Variants in CFHR5 observed in about 807,000 individuals in gnomAD.
CFHR5 encodes complement factor H related 5.
Under a neutral mutation model 62.9 loss-of-function variants are expected in CFHR5, and 73 were observed. The observed-to-expected ratio is 1.16, with a 90% CI of 0.96 to 1.41. The LOEUF (loss-of-function observed/expected upper bound fraction) is 1.41. Ranked by LOEUF, CFHR5 falls within the 40% of genes most tolerant of loss-of-function variation. CFHR5 has a pLI of 0.00. For missense variants in CFHR5, 779 were observed against 679.9 expected (o/e 1.15, Z -1.62); for synonymous variants, 249 against 227.2 (o/e 1.10, Z -0.86).
chr1:196,994,232 T>C lies in CFHR5; in HGVS notation c.583T>C (p.Ser195Pro). 1 of 1,613,542 alleles carries C rather than the reference T, an allele frequency of 6.2e-7. No homozygotes were observed. The highest frequency in any genetic ancestry group is 1.1e-5 in the South Asian group (1 of 91,048). Residue 195 changes from serine to proline, a missense_variant, in exon 4 of 10, where the codon TCA becomes CCA. Coordinates refer to ENST00000256785, the MANE Select transcript of CFHR5 (RefSeq NM_030787.4). ...AGTTCAATGTTACCAATTTGGGTGG[T>C]CACCTAACTTTCCAACATGCAAAGG... is the stretch of plus-strand genomic sequence containing the variant. ...DSVQCYQFGW[S>P]PNFPTCKGQV... is the part of the protein sequence containing the mutation.
intron 3 of CFHR5, among the ~76,000 whole-genome samples, chr1:196,984,988 T>A (rs886395957): frequency 6.6e-6 from 1 of 152,144 alleles, no homozygotes; most frequent in Non-Finnish European, 1.5e-5. Context: ...TTTTGAAGTA[T>A]TGAGGGTTTT....
intron 1 of CFHR5, among the ~76,000 whole-genome samples, chr1:196,979,530 T>C (rs186303776): frequency 2.6e-5 from 4 of 152,152 alleles, no homozygotes; most frequent in South Asian, 2.1e-4. Context: ...ATATAAAAGG[T>C]ACAATAAAAA....
chr1:196,984,096 T>C lies in CFHR5; in HGVS notation c.389T>C (p.Val130Ala), dbSNP rs966940369. The change falls in exon 3 of 10, where the codon GTA becomes GCA. Residue 130 changes from valine to alanine, a missense_variant. Transcript: ENST00000256785. ...LQNNEKNISC[V>A]ERGWSTPPIC... ...AACAATGAGAAAAACATTTCGTGTG[T>C]AGAACGGGGCTGGTCCACTCCTCCC... 3 of 1,613,804 alleles carry C rather than the reference T, an allele frequency of 1.9e-6. No individual in the cohort carries two copies. The highest frequency in any genetic ancestry group is 2.5e-6 in the Non-Finnish European group (3 of 1,179,840).
chr1:196,994,026 T>C, intron 3 of CFHR5, 54 bp from the exon 4 acceptor site: 1 of 1,387,502 alleles, frequency 7.2e-7, no homozygotes, highest in South Asian at 1.2e-5. Context: ...TAGCACACAT[T>C]AAATTTGTTT....
intron 1 of CFHR5, among the ~76,000 whole-genome samples, chr1:196,980,590 ACG>A (rs1491267920): frequency 2.5e-5 from 3 of 120,134 alleles, no homozygotes; most frequent in East Asian, 2.7e-4. Context: ...CTGTATATAT[ACG>A]TGTGTGTGTG....
chr1:197,002,741 A>C (rs1431252386), intron 8 of CFHR5, 77 bp downstream of exon 8: 11 of 1,217,104 alleles, frequency 9.0e-6, no homozygotes, highest in Non-Finnish European at 1.3e-5. Context: ...AGAAAGAAAC[A>C]AGAACTTATG....
At chr1:196,981,619 C>T (rs1472885864) in intron 1 of CFHR5, among the ~76,000 whole-genome samples, 1 of 151,898 alleles carries the variant, frequency 6.6e-6, no homozygotes, top group African/African-American at 2.4e-5. Flanking sequence ...GTGTGAGTGT[C>T]TATATAAATA....
chr1:197,008,519 A>G lies in CFHR5; in HGVS notation c.1546A>G (p.Lys516Glu), dbSNP rs1198385422. The G allele has an allele frequency of 6.2e-7, 1 of 1,610,818 alleles. No individual in the cohort carries two copies. The highest frequency in any genetic ancestry group is 8.5e-7 in the Non-Finnish European group (1 of 1,178,178). ...TGTGGTATCTGAAGAAAACATGAAC[A>G]AAAATAACATACAGTTAAAATGGAG... ...PCVVSEENMNKNNIQLKWRND... is the reference protein window; with the variant it reads ...PCVVSEENMNENNIQLKWRND... The change falls in exon 10 of 10, where the codon AAA (lysine) becomes GAA (glutamate). Residue 516 changes from lysine (K) to glutamate (E), a missense_variant. Lys to Glu is a moderately conservative substitution (Grantham distance 56, BLOSUM62 1). Transcript: ENST00000256785.
rs1654044559 is a variant in CFHR5 at position 196,998,216 on chromosome 1, T to C, written c.1059T>C (p.Ser353=). The C allele has an allele frequency of 2.5e-6, 4 of 1,608,898 alleles. No individual in the cohort carries two copies. Among genetic ancestry groups the C allele is most frequent in the African/African-American group, 1.3e-5 (1 of 74,874 alleles). Residue 353 remains serine (S), a synonymous_variant, in exon 7 of 10, where the codon TCT becomes TCC. Coordinates refer to ENST00000256785, the MANE Select transcript of CFHR5 (RefSeq NM_030787.4). The part of the protein sequence containing the change: ...KLSGKEFNHN[S]RIRYRCSDIF... Reference sequence around the variant, plus strand: ...CTGGGAAAGAATTTAATCATAATTCTAGAATACGTTACAGATGTTCAGACA... The same window carrying C: ...CTGGGAAAGAATTTAATCATAATTCCAGAATACGTTACAGATGTTCAGACA...
chr1:197,004,342 A>T (rs539324107), intron 8 of CFHR5, among the ~76,000 whole-genome samples: 2 of 152,314 alleles, frequency 1.3e-5, no homozygotes, highest in East Asian at 1.9e-4. Flanking sequence ...GACTAGAAAC[A>T]GTAAGAAAGT....
chr1:196,993,980 C>G, intron 3 of CFHR5, 100 bp from the exon 4 acceptor site: 1 of 864,764 alleles, frequency 1.2e-6, no homozygotes, highest in Non-Finnish European at 1.9e-6. Context: ...ATATTTTATA[C>G]TCTGTATATG....
chr1:196,992,924 T>C (rs1229957754), intron 3 of CFHR5, among the ~76,000 whole-genome samples: 1 of 152,168 alleles, frequency 6.6e-6, no homozygotes, highest in Non-Finnish European at 1.5e-5. Flanking sequence ...TTAGAACATA[T>C]TTCAATTTTA....
At chr1:196,987,910 T>C (rs1653738599) in intron 3 of CFHR5, among the ~76,000 whole-genome samples, 1 of 152,214 alleles carries the variant, frequency 6.6e-6, no homozygotes, top group African/African-American at 2.4e-5. Flanking sequence ...GTGAAGAAAG[T>C]TAGTGGTAAC....
intron 1 of CFHR5, among the ~76,000 whole-genome samples, chr1:196,981,689 C>T (rs910740957): frequency 5.9e-5 from 9 of 151,986 alleles, no homozygotes; most frequent in African/African-American, 2.2e-4. Context: ...GGACTCTTTT[C>T]ACCCCCAGCA....
chr1:196,996,334 T>C, intron 6 of CFHR5, 133 bp downstream of exon 6: 1 of 737,398 alleles, frequency 1.4e-6, no homozygotes. Context: ...AATATGTCAA[T>C]CCATTTATTC....
Position 197,002,490 on chromosome 1 carries a change from G to C in CFHR5, c.1156G>C (p.Glu386Gln). The C allele has an allele frequency of 1.2e-6, 2 of 1,612,174 alleles. No individual in the cohort carries two copies. The highest frequency in any genetic ancestry group is 1.7e-6 in the Non-Finnish European group (2 of 1,178,844). The change falls in exon 8 of 10, where the codon GAA (glutamate) becomes CAA (glutamine). Residue 386 changes from glutamate (E) to glutamine (Q), a missense_variant. By Grantham distance (29) the Glu-to-Gln change is conservative. Transcript: ENST00000256785. The part of the protein sequence containing the change: ...NPEVDCTEKR[E>Q]QFCPPPPQIP... Reference sequence around the variant, plus strand: ...ATTCCAATATTTTGTAGAAAAAAGGGAACAATTCTGCCCACCGCCACCTCA... The same window carrying C: ...ATTCCAATATTTTGTAGAAAAAAGGCAACAATTCTGCCCACCGCCACCTCA...
intron 8 of CFHR5, among the ~76,000 whole-genome samples, chr1:197,004,158 C>A (rs935521237): frequency 6.6e-6 from 1 of 152,020 alleles, no homozygotes; most frequent in African/African-American, 2.4e-5. Context: ...AAAATCTCTT[C>A]ATTAGCATGA....
Position 196,996,048 on chromosome 1 carries a change from C to A in CFHR5, c.817C>A (p.Pro273Thr), listed in dbSNP as rs777208363. 1 of 1,613,784 alleles carries A rather than the reference C, an allele frequency of 6.2e-7. No homozygotes were observed. The highest frequency in any genetic ancestry group is 1.1e-5 in the South Asian group (1 of 91,072). ...VEQVKTCGYI[P>T]ELEYGYVQPS... Reference sequence around the variant, plus strand: ...ACAAGTGAAAACATGTGGATACATACCTGAACTCGAGTACGGTTATGTTCA... The same window carrying A: ...ACAAGTGAAAACATGTGGATACATAACTGAACTCGAGTACGGTTATGTTCA... The change falls in exon 6 of 10, where the codon CCT (proline) becomes ACT (threonine). Residue 273 changes from proline to threonine, a missense_variant. Physicochemically the swap from Pro to Thr is conservative, Grantham distance 38 (BLOSUM62 -1). Coordinates refer to ENST00000256785, the MANE Select transcript of CFHR5 (RefSeq NM_030787.4).
Position 196,977,712 on chromosome 1 carries a change from T to TG in CFHR5, c.53dup (p.Glu19ArgfsTer6), listed in dbSNP as rs771671663. 2.5e-6 allele frequency: 4 copies of TG among 1,612,324 alleles called. No individual in the cohort carries two copies. The highest frequency in any genetic ancestry group is 2.5e-6 in the Non-Finnish European group (3 of 1,178,528). On this transcript the variant is annotated frameshift_variant, in exon 1 of 10. Coordinates refer to ENST00000256785, the MANE Select transcript of CFHR5 (RefSeq NM_030787.4). LOFTEE classifies it high-confidence loss of function. ...TCCTAATCTCATGGGTATCCACTGT[T>TG]GGGGGAGAAGGTAAGTTGAAAACAG...
Sources: gnomAD v4.1 joint callset for allele counts (sites outside exome capture counted in the v4.1 genomes callset) on GRCh38, gnomAD v4.1.1 for gene constraint, MANE v1.5 for transcripts, NCBI Gene and HGNC (gene_info 2026-07-23, HGNC 2026-07-21) for gene names.